PTPRN2: variants seen among roughly 807,000 people sequenced by gnomAD.
The protein encoded by PTPRN2 is receptor-type tyrosine-protein phosphatase N2.
Under a neutral mutation model 118.8 loss-of-function variants are expected in PTPRN2, and 74 were observed. The observed-to-expected ratio is 0.62, with a 90% CI of 0.52 to 0.76. PTPRN2 has a LOEUF of 0.76. Among genes scored for constraint, PTPRN2 ranks in the 30% least tolerant of loss-of-function variants. PTPRN2 has a pLI of 0.00. For synonymous variants in PTPRN2, 641 were observed against 608.0 expected (o/e 1.05, Z -0.80); for missense variants, 1,481 against 1,394.4 (o/e 1.06, Z -0.99).
intron 11 of PTPRN2, among the ~76,000 whole-genome samples, chr7:158,019,029 C>G (rs571339528): frequency 7.0e-6 from 1 of 142,408 alleles, no homozygotes; most frequent in South Asian, 2.3e-4. Context: ...GAAATTAATT[C>G]ATTAACATTA....
rs149631707 is a variant in PTPRN2, at chr7:158,268,639, GCA to G, written c.277+48178_277+48179del. 7.6e-3 allele frequency among the ~76,000 whole-genome samples: 927 copies of G among 121,884 alleles called. 42 individuals carry two copies. Among genetic ancestry groups the G allele is most frequent in the African/African-American group, 0.01 (329 of 31,426 alleles). 80.0% of individuals were successfully genotyped at this position (121,884 alleles called of 152,430 possible). On this transcript the variant is annotated intron_variant, in intron 3 of 22. Coordinates refer to ENST00000389418, the MANE Select transcript of PTPRN2 (RefSeq NM_002847.5). ...AGGGCGGGTGTGAAATATCCCAGCC[GCA>G]CACACACAGGGCGGGTGTGAAATAT...
chr7:158,359,521 G>A (rs1249092694), intron 2 of PTPRN2, among the ~76,000 whole-genome samples: 4 of 152,040 alleles, frequency 2.6e-5, no homozygotes, highest in Admixed American at 1.3e-4. Flanking sequence ...GGACTCCTGC[G>A]GCCTTCAAAG....
At chr7:158,285,480 C>T (rs1476645497) in intron 3 of PTPRN2, among the ~76,000 whole-genome samples, 1 of 152,188 alleles carries the variant, frequency 6.6e-6, no homozygotes, top group African/African-American at 2.4e-5. Flanking sequence ...GCGCTCAGGT[C>T]CTCCTCCATC....
At chr7:157,848,721 A>G (rs1809058844) in intron 12 of PTPRN2, among the ~76,000 whole-genome samples, 1 of 152,216 alleles carries the variant, frequency 6.6e-6, no homozygotes. Context: ...AGCTGAAGTG[A>G]GTGGGGCCCC....
At chr7:158,336,625 CATGCAGACGTCA>C (rs1805596281) in intron 2 of PTPRN2, among the ~76,000 whole-genome samples, 2 of 83,804 alleles carry the variant, frequency 2.4e-5, no homozygotes, top group Admixed American at 1.2e-4. Context: ...ATTGGTGACA[CATGCAGACGTCA>C]CTCACACCCA....
At chr7:158,484,965 G>A (rs1820898740) in intron 2 of PTPRN2, among the ~76,000 whole-genome samples, 1 of 152,296 alleles carries the variant, frequency 6.6e-6, no homozygotes, top group Middle Eastern at 3.4e-3. Flanking sequence ...CAGCGTGGCC[G>A]GCGGAGTGAG....
intron 12 of PTPRN2, among the ~76,000 whole-genome samples, chr7:157,798,088 G>A (rs1348886575): frequency 6.6e-6 from 1 of 152,050 alleles, no homozygotes; most frequent in Non-Finnish European, 1.5e-5. Context: ...GTGAAATCCC[G>A]TCTCTACTAA....
chr7:157,751,506 C>A (rs750558130), intron 12 of PTPRN2, among the ~76,000 whole-genome samples: 3 of 152,132 alleles, frequency 2.0e-5, no homozygotes, highest in African/African-American at 4.8e-5. Context: ...TGCTCTCCAG[C>A]GCCCACGGAG....
At chr7:157,834,701 C>T (rs1482884357) in intron 12 of PTPRN2, among the ~76,000 whole-genome samples, 3 of 152,242 alleles carry the variant, frequency 2.0e-5, no homozygotes, top group Non-Finnish European at 2.9e-5. Flanking sequence ...GGGGAAGCCA[C>T]GGGGCTGCGG....
chr7:158,494,528 G>A (rs919809160), intron 1 of PTPRN2, among the ~76,000 whole-genome samples: 3 of 152,300 alleles, frequency 2.0e-5, no homozygotes, highest in Admixed American at 6.5e-5. Context: ...GCTCAGCACC[G>A]GCACCTGTTG....
intron 12 of PTPRN2, among the ~76,000 whole-genome samples, chr7:157,749,988 A>T (rs1452195560): frequency 6.6e-5 from 10 of 150,860 alleles, no homozygotes; most frequent in African/African-American, 2.4e-4. Flanking sequence ...CGTGATTCTG[A>T]GGCCTGTGTC....
rs894423203 is a variant in PTPRN2, at chr7:157,590,848, C to G, written c.2496+4390G>C. 6.6e-6 allele frequency among the ~76,000 whole-genome samples: 1 copy of G among 152,204 alleles called. No individual in the cohort carries two copies. The highest frequency in any genetic ancestry group is 2.1e-4 in the South Asian group (1 of 4,828). On this transcript the variant is annotated intron_variant, in intron 17 of 22. Transcript: ENST00000389418. This position sits in a 1 kb window ranked among gnomAD's most constrained non-coding sequence, Gnocchi z 4.0. ...CCCTCCTGGCTCCTCTGCCTCCCAGCAGCCCAGTGACCTCCAAACGGACTC... is the reference window on the plus strand; with the variant it reads ...CCCTCCTGGCTCCTCTGCCTCCCAGGAGCCCAGTGACCTCCAAACGGACTC...
intron 14 of PTPRN2, among the ~76,000 whole-genome samples, chr7:157,638,681 T>C (rs1804478363): frequency 6.6e-6 from 1 of 152,232 alleles, no homozygotes; most frequent in African/African-American, 2.4e-5. Flanking sequence ...GGGGACCAAA[T>C]GACATGCCCG....
intron 12 of PTPRN2, among the ~76,000 whole-genome samples, chr7:157,767,299 C>T (rs571159620): frequency 3.0e-4 from 45 of 152,274 alleles, no homozygotes; most frequent in African/African-American, 9.6e-4. Flanking sequence ...AAGGGGACCA[C>T]GGAAGCTTCT....
At chr7:157,662,355 C>T (rs912260570) in intron 13 of PTPRN2, among the ~76,000 whole-genome samples, 10 of 152,220 alleles carry the variant, frequency 6.6e-5, no homozygotes, top group African/African-American at 1.9e-4. Context: ...CGAGTCAGCA[C>T]TGCACAGGGT....
chr7:157,939,167 C>T (rs913243036), intron 11 of PTPRN2, among the ~76,000 whole-genome samples: 1 of 151,974 alleles, frequency 6.6e-6, no homozygotes, highest in African/African-American at 2.4e-5. Context: ...GCAAGGTTTC[C>T]AGCACGCAAA....
chr7:157,998,620 C>G (rs112702071), intron 11 of PTPRN2, among the ~76,000 whole-genome samples: 5 of 152,238 alleles, frequency 3.3e-5, no homozygotes, highest in African/African-American at 1.2e-4. Flanking sequence ...GTCAGGAGAT[C>G]GAGACCATCC....
chr7:158,465,501 C>A (rs754636423), intron 2 of PTPRN2, among the ~76,000 whole-genome samples: 1 of 152,156 alleles, frequency 6.6e-6, no homozygotes, highest in Admixed American at 6.5e-5. Context: ...CTAATCTATG[C>A]CATCTAATCT....
chr7:158,522,804 G>A (rs1824308194), intron 1 of PTPRN2, among the ~76,000 whole-genome samples: 1 of 152,196 alleles, frequency 6.6e-6, no homozygotes, highest in Non-Finnish European at 1.5e-5. Context: ...TGTCTTGAGA[G>A]CAGCTCACCA....
Sources: gnomAD v4.1 joint callset for allele counts (sites outside exome capture counted in the v4.1 genomes callset) on GRCh38, gnomAD v4.1.1 for gene constraint, Gnocchi (gnomAD v3.1) non-coding constraint, MANE v1.5 for transcripts, NCBI Gene and HGNC (gene_info 2026-07-23, HGNC 2026-07-21) for gene names.